Variants in ARMC9 observed in about 807,000 individuals in gnomAD.
ARMC9 encodes lisH domain-containing protein ARMC9.
In ARMC9, 94 loss-of-function variants were observed where a neutral mutation model predicts 107.0. The observed-to-expected ratio is 0.88, with a 90% confidence interval of 0.74 to 1.04. The LOEUF (loss-of-function observed/expected upper bound fraction) is 1.04. ARMC9 is among the 50% of genes least tolerant of loss of function. The probability of loss-of-function intolerance (pLI) is 0.00; values close to 1 mark genes in which losing one functional copy is unlikely to be tolerated. For synonymous variants in ARMC9, 380 were observed against 396.9 expected, an observed-to-expected ratio of 0.96 and a Z score of 0.51; for missense variants, 942 against 1,030.1, an observed-to-expected ratio of 0.91 and a Z score of 1.17.
intron 9 of ARMC9, among the ~76,000 whole-genome samples, chr2:231,245,319 TG>T (rs1047190180): frequency 5.3e-5 from 8 of 152,204 alleles, no homozygotes; most frequent in Non-Finnish European, 8.8e-5. Flanking sequence ...CTGAGTTTTT[TG>T]TTTTCTAAGA....
chr2:231,219,737 T>C (rs907092083), intron 5 of ARMC9, among the ~76,000 whole-genome samples: 2 of 152,224 alleles, frequency 1.3e-5, no homozygotes, highest in African/African-American at 2.4e-5. Flanking sequence ...CTCCTAGATA[T>C]CTGACTAAAT....
intron 20 of ARMC9, among the ~76,000 whole-genome samples, chr2:231,343,270 A>G (rs1291511476): frequency 6.6e-6 from 1 of 151,616 alleles, no homozygotes; most frequent in Non-Finnish European, 1.5e-5. Flanking sequence ...CCCAGGGTCC[A>G]GTGAGGCTCA....
At position 231,255,992 on chromosome 2, in the gene ARMC9, A is replaced by G. The variant is rs2037750449; in HGVS notation, c.880-594A>G. 8.6e-7 allele frequency: 1 copy of G among 1,162,516 alleles called. No homozygotes were observed. Among genetic ancestry groups the G allele is most frequent in the Non-Finnish European group, 1.2e-6 (1 of 846,464 alleles). 72.0% of individuals were successfully genotyped at this position (1,162,516 alleles called of 1,614,324 possible). ...TAGGCGGAGGTTGCGGTGAGCCAAG[A>G]TTGCGCCACTGCTCTCCAGCCTGGG... On this transcript the variant is annotated intron_variant, in intron 9 of 24. Coordinates refer to ENST00000611582, the MANE Select transcript of ARMC9 (RefSeq NM_001352754.2). The surrounding 1 kb of genome is among the most constrained non-coding windows in gnomAD (Gnocchi z 4.7).
chr2:231,226,649 C>T (rs1047282859), intron 6 of ARMC9, 125 bp from the exon 7 acceptor site: 1 of 1,130,924 alleles, frequency 8.8e-7, no homozygotes, highest in East Asian at 2.4e-5. Context: ...TGGAGCTGGC[C>T]CTCCCGGCTC....
In ARMC9 at chr2:231,290,750, G is replaced by T. The variant is rs182679066; in HGVS notation, c.1627-603G>T. The stretch of plus-strand genomic sequence containing the variant: ...ACTTTATAATTCTTTTAATAGAAAA[G>T]GAATGAAATCTGTTTAAAGAGAGGT... On this transcript the variant is annotated intron_variant, in intron 17 of 24. Coordinates refer to ENST00000611582, the MANE Select transcript of ARMC9 (RefSeq NM_001352754.2). Among the ~76,000 whole-genome samples the T allele has an allele frequency of 1.1e-3, 174 of 152,182 alleles. 2 individuals carry two copies. Among genetic ancestry groups the T allele is most frequent in the Admixed American group, 3.1e-3 (47 of 15,288 alleles).
rs3042595 is a variant in ARMC9, at chr2:231,255,180, AACACAC to A, written c.880-1370_880-1365del. On this transcript the variant is annotated intron_variant, in intron 9 of 24. Coordinates refer to ENST00000611582, the MANE Select transcript of ARMC9 (RefSeq NM_001352754.2). This position sits in a 1 kb window ranked among gnomAD's most constrained non-coding sequence, Gnocchi z 4.7. ...AGCACTACCTGTAGTGGCAAAAAGAAACACACACACACACACACACACACACACACA... is the reference window on the plus strand; with the variant it reads ...AGCACTACCTGTAGTGGCAAAAAGAAACACACACACACACACACACACACA... Among the ~76,000 whole-genome samples, 8,840 of 146,806 alleles carry A rather than the reference AACACAC, an allele frequency of 0.06. 484 individuals carry two copies. The highest frequency in any genetic ancestry group is 0.15 in the African/African-American group (5,997 of 40,110).
intron 9 of ARMC9, among the ~76,000 whole-genome samples, chr2:231,248,430 C>T (rs141001696): frequency 7.5e-4 from 114 of 152,270 alleles, no homozygotes; most frequent in African/African-American, 2.6e-3. Context: ...GGCATCCGAT[C>T]ATATTACTAT....
chr2:231,222,932 T>A (rs779516425), intron 6 of ARMC9, 112 bp downstream of exon 6: 1 of 616,636 alleles, frequency 1.6e-6, no homozygotes, highest in Non-Finnish European at 2.8e-6. Flanking sequence ...GGATAATTAA[T>A]AGTGTTGCTT....
At chr2:231,271,181 T>C in intron 13 of ARMC9, 109 bp downstream of exon 13, 1 of 1,007,792 alleles carries the variant, frequency 9.9e-7, no homozygotes, top group Middle Eastern at 2.1e-4. Flanking sequence ...GCTTCCTCAG[T>C]TTGTTACCGT....
intron 2 of ARMC9, among the ~76,000 whole-genome samples, chr2:231,206,646 T>G (rs2032041428): frequency 6.6e-6 from 1 of 152,238 alleles, no homozygotes; most frequent in Admixed American, 6.5e-5. Flanking sequence ...GATACATTGT[T>G]CTGTAGCTTG....
At chr2:231,211,358 T>TAAA (rs773845468) in intron 3 of ARMC9, among the ~76,000 whole-genome samples, 20 of 131,184 alleles carry the variant, frequency 1.5e-4, no homozygotes, top group South Asian at 4.9e-4. Context: ...CCGCCTCTAC[T>TAAA]AAAAAAAAAA....
At chr2:231,209,677 A>G (rs1336684851) in intron 3 of ARMC9, among the ~76,000 whole-genome samples, 1 of 152,136 alleles carries the variant, frequency 6.6e-6, no homozygotes, top group Admixed American at 6.5e-5. Context: ...CTGGGATTAC[A>G]GGCACACACC....
chr2:231,238,806 A>T (rs1229798235), intron 8 of ARMC9, among the ~76,000 whole-genome samples: 1 of 152,212 alleles, frequency 6.6e-6, no homozygotes, highest in East Asian at 1.9e-4. Flanking sequence ...AGGGTGACAG[A>T]CCTCTGCCAC....
chr2:231,258,954 C>A, intron 10 of ARMC9, 37 bp from the exon 11 acceptor site: 1 of 1,549,524 alleles, frequency 6.5e-7, no homozygotes, highest in South Asian at 1.1e-5. Context: ...TGCCCTTTTG[C>A]CCTTTTCTTT....
At chr2:231,330,229 C>CTTTTTTTTT (rs201716312) in intron 19 of ARMC9, among the ~76,000 whole-genome samples, 1 of 134,838 alleles carries the variant, frequency 7.4e-6, no homozygotes, top group Admixed American at 7.4e-5. Flanking sequence ...CTTTTTCTTT[C>CTTTTTTTTT]TTTTTTTTTT....
At chr2:231,252,267 G>A (rs1440188263) in intron 9 of ARMC9, among the ~76,000 whole-genome samples, 1 of 151,890 alleles carries the variant, frequency 6.6e-6, no homozygotes, top group Non-Finnish European at 1.5e-5. Flanking sequence ...ATTTATTTTT[G>A]AGACAGAGCT....
intron 14 of ARMC9, among the ~76,000 whole-genome samples, chr2:231,275,825 T>A (rs1241641596): frequency 6.6e-6 from 1 of 152,158 alleles, no homozygotes; most frequent in African/African-American, 2.4e-5. Context: ...TGGTGGCGCA[T>A]GCCTGTAATC....
intron 7 of ARMC9, among the ~76,000 whole-genome samples, chr2:231,229,829 A>G (rs933239685): frequency 2.6e-5 from 4 of 152,188 alleles, no homozygotes; most frequent in Non-Finnish European, 1.5e-5. Flanking sequence ...CATATTTAAA[A>G]GTTGATCATT....
At chr2:231,209,635 A>G (rs2032542784) in intron 3 of ARMC9, among the ~76,000 whole-genome samples, 1 of 152,140 alleles carries the variant, frequency 6.6e-6, no homozygotes, top group South Asian at 2.1e-4. Flanking sequence ...TCCTGGGTTC[A>G]AGCGATTCTC....
Sources: gnomAD v4.1 joint callset for allele counts (sites outside exome capture counted in the v4.1 genomes callset) on GRCh38, gnomAD v4.1.1 for gene constraint, Gnocchi (gnomAD v3.1) non-coding constraint, MANE v1.5 for transcripts, NCBI Gene and HGNC (gene_info 2026-07-23, HGNC 2026-07-21) for gene names.